The following PTPRD variants were observed in gnomAD, a reference collection of about 807,000 sequenced individuals.
PTPRD encodes the protein protein tyrosine phosphatase receptor type D.
PTPRD carries 34 observed loss-of-function variants against 214.5 expected under a neutral mutation model. The ratio of observed to expected loss-of-function variants is 0.16; its 90% CI spans 0.12 to 0.21. The LOEUF (loss-of-function observed/expected upper bound fraction) is 0.21, where lower values mean the gene tolerates loss of function less well. Among genes scored for constraint, PTPRD ranks in the 10% least tolerant of loss-of-function variants. PTPRD has a pLI of 1.00. For missense variants in PTPRD, 2,545 were observed against 2,398.7 expected, an observed-to-expected ratio of 1.06 and a Z score of -1.27; for synonymous variants, 1,128 against 845.7, an observed-to-expected ratio of 1.33 and a Z score of -5.79.
chr9:9,061,922 A>T (rs568891269), intron 10 of PTPRD, among the ~76,000 whole-genome samples: 8 of 152,130 alleles, frequency 5.3e-5, no homozygotes, highest in African/African-American at 1.9e-4. Flanking sequence ...AACATGCCAA[A>T]CCCCACTGCT....
chr9:10,539,308 C>T (rs551565226), intron 2 of PTPRD, among the ~76,000 whole-genome samples: 27 of 152,124 alleles, frequency 1.8e-4, no homozygotes, highest in Admixed American at 3.9e-4. Context: ...CATCAGCCTC[C>T]CAAGTAGTTG....
chr9:9,478,164 C>A (rs1020505318), intron 8 of PTPRD, among the ~76,000 whole-genome samples: 1 of 152,104 alleles, frequency 6.6e-6, no homozygotes, highest in Admixed American at 6.6e-5. Flanking sequence ...AAGTAAACTG[C>A]CCTGTTAATA....
intron 14 of PTPRD, among the ~76,000 whole-genome samples, chr9:8,533,360 C>G (rs1185551438): frequency 6.6e-6 from 1 of 151,938 alleles, no homozygotes; most frequent in Non-Finnish European, 1.5e-5. Context: ...GAACTGTTTG[C>G]CATGGTATTG....
At chr9:8,881,056 C>T (rs753482625) in intron 11 of PTPRD, among the ~76,000 whole-genome samples, 3 of 152,258 alleles carry the variant, frequency 2.0e-5, no homozygotes, top group East Asian at 1.9e-4. Flanking sequence ...TGTGAGCCAC[C>T]GTACCTGGCC....
At chr9:9,611,425 G>A (rs1006487749) in intron 7 of PTPRD, among the ~76,000 whole-genome samples, 33 of 151,920 alleles carry the variant, frequency 2.2e-4, no homozygotes, top group Admixed American at 7.9e-4. Flanking sequence ...GTTTTGATTC[G>A]TAATTATTTA....
chr9:10,198,358 C>T (rs1250288852), intron 3 of PTPRD, among the ~76,000 whole-genome samples: 1 of 152,046 alleles, frequency 6.6e-6, no homozygotes, highest in Non-Finnish European at 1.5e-5. Context: ...AGTGGTCAGG[C>T]ATGAATGATA....
chr9:9,445,299 TA>T (rs1468919508), intron 8 of PTPRD, among the ~76,000 whole-genome samples: 2 of 152,144 alleles, frequency 1.3e-5, no homozygotes, highest in African/African-American at 4.8e-5. Context: ...CAATACAAAT[TA>T]AAGCTAGTCA....
Position 8,523,499 on chromosome 9 carries a change from A to C in PTPRD, c.691+14T>G. On this transcript the variant is annotated intron_variant, in intron 19 of 45. Coordinates refer to ENST00000381196, the MANE Select transcript of PTPRD (RefSeq NM_002839.4). ...AGTTTTGTAAGGTGGGTAAAAAGTA[A>C]AAAACACACCAACCTTCTCGCAGCT... 6.2e-7 allele frequency: 1 copy of C among 1,613,080 alleles called. No individual in the cohort carries two copies. Among genetic ancestry groups the C allele is most frequent in the Non-Finnish European group, 8.5e-7 (1 of 1,179,398 alleles).
chr9:9,208,152 C>T (rs2099946170), intron 9 of PTPRD, among the ~76,000 whole-genome samples: 1 of 150,670 alleles, frequency 6.6e-6, no homozygotes, highest in Non-Finnish European at 1.5e-5. Flanking sequence ...GTAGCTGGGA[C>T]TACGGGCACC....
intron 2 of PTPRD, among the ~76,000 whole-genome samples, chr9:10,407,671 G>T (rs1565839822): frequency 6.6e-6 from 1 of 151,304 alleles, no homozygotes; most frequent in Non-Finnish European, 1.5e-5. Flanking sequence ...TGATGATAGG[G>T]TTTCTATATC....
chr9:9,745,478 C>T (rs1181192443), intron 6 of PTPRD, among the ~76,000 whole-genome samples: 1 of 152,032 alleles, frequency 6.6e-6, no homozygotes, highest in African/African-American at 2.4e-5. Context: ...AAAACATCAC[C>T]CTATTAAATT....
At chr9:9,135,245 A>T (rs1287985989) in intron 10 of PTPRD, among the ~76,000 whole-genome samples, 3 of 152,242 alleles carry the variant, frequency 2.0e-5, no homozygotes, top group Non-Finnish European at 4.4e-5. Context: ...TTTAGACTTC[A>T]AACAATTCCT....
intron 3 of PTPRD, among the ~76,000 whole-genome samples, chr9:10,162,830 C>T (rs879646736): frequency 6.7e-6 from 1 of 149,726 alleles, no homozygotes; most frequent in Non-Finnish European, 1.5e-5. Context: ...AGCTATGTTA[C>T]ACACAAACAT....
intron 11 of PTPRD, chr9:8,860,532 A>T (rs373902539): frequency 1.1e-4 from 16 of 152,216 alleles, no homozygotes; most frequent in East Asian, 7.7e-4. Flanking sequence ...ATTCAGGGTG[A>T]TGCTGCTGAA....
chr9:8,383,719 T>C (rs1353025353), intron 37 of PTPRD, among the ~76,000 whole-genome samples: 1 of 152,290 alleles, frequency 6.6e-6, no homozygotes, highest in Middle Eastern at 3.4e-3. Flanking sequence ...AGTGTCAAAA[T>C]TTCACTCCCC....
At chr9:8,598,101 C>T (rs557398264) in intron 14 of PTPRD, among the ~76,000 whole-genome samples, 138 of 152,182 alleles carry the variant, frequency 9.1e-4, no homozygotes, top group African/African-American at 3.2e-3. Context: ...AGAACATCTA[C>T]CAACATGTTT....
At chr9:8,903,589 T>G (rs910312072) in intron 11 of PTPRD, among the ~76,000 whole-genome samples, 5 of 152,210 alleles carry the variant, frequency 3.3e-5, no homozygotes, top group African/African-American at 1.2e-4. Flanking sequence ...GTAACAATTT[T>G]GACATGAAGT....
At chr9:10,202,451 G>T (rs2099429873) in intron 3 of PTPRD, among the ~76,000 whole-genome samples, 1 of 150,140 alleles carries the variant, frequency 6.7e-6, no homozygotes, top group African/African-American at 2.5e-5. Context: ...TAAGTACAGG[G>T]CTGGCATTAG....
At chr9:8,957,256 C>A (rs560735765) in intron 11 of PTPRD, among the ~76,000 whole-genome samples, 458 of 151,882 alleles carry the variant, frequency 3.0e-3, no homozygotes, top group Middle Eastern at 0.01. Context: ...CTGGGGCTAC[C>A]TACTCCTCCA....
Sources: allele counts gnomAD v4.1 joint callset (sites outside exome capture counted in the v4.1 genomes callset), GRCh38; gene constraint gnomAD v4.1.1; transcripts MANE v1.5; gene names NCBI Gene and HGNC (gene_info 2026-07-23, HGNC 2026-07-21).